The following TTC19 variants were observed in gnomAD, a reference collection of about 807,000 sequenced individuals.
TTC19 encodes tetratricopeptide repeat domain 19.
Under a neutral mutation model 49.5 loss-of-function variants are expected in TTC19, and 38 were observed. That is an observed-to-expected ratio of 0.77 (90% CI 0.59 to 1.01). TTC19 has a LOEUF of 1.01. Ranked by LOEUF, TTC19 falls within the 50% of genes least tolerant of loss-of-function variation. The probability of loss-of-function intolerance (pLI) is 0.00; values close to 1 mark genes in which losing one functional copy is unlikely to be tolerated. For missense variants in TTC19, 475 were observed against 477.7 expected, an observed-to-expected ratio of 0.99 and a Z score of 0.05; for synonymous variants, 204 against 185.2, an observed-to-expected ratio of 1.10 and a Z score of -0.83.
chr17:16,009,067 A>T (rs981696116), intron 7 of TTC19, among the ~76,000 whole-genome samples: 1 of 152,140 alleles, frequency 6.6e-6, no homozygotes. Flanking sequence ...CCTGGCACAT[A>T]ATAGAGGCTC....
intron 7 of TTC19, among the ~76,000 whole-genome samples, chr17:16,021,543 C>G (rs1971385252): frequency 6.6e-6 from 1 of 152,040 alleles, no homozygotes; most frequent in Admixed American, 6.5e-5. Flanking sequence ...TATGTTGGGG[C>G]AGTATGGTGT....
chr17:16,002,271 T>A (rs943800400), intron 3 of TTC19, among the ~76,000 whole-genome samples: 1 of 152,158 alleles, frequency 6.6e-6, no homozygotes, highest in Non-Finnish European at 1.5e-5. Context: ...CTCCGCCTCA[T>A]GAGTTCAGAC....
chr17:16,038,250 A>G (rs542138043), intron 2 of TTC19, among the ~76,000 whole-genome samples: 1 of 152,342 alleles, frequency 6.6e-6, no homozygotes, highest in Admixed American at 6.5e-5. Flanking sequence ...TTGTAAGATT[A>G]AAGCTTAGGA....
At chr17:16,027,310 C>G in intron 9 of TTC19, 64 bp from the exon 10 acceptor site, 1 of 1,593,138 alleles carries the variant, frequency 6.3e-7, no homozygotes, top group Non-Finnish European at 8.6e-7. Context: ...CATGCTCTCT[C>G]TTCAGAATCA....
intron 7 of TTC19, among the ~76,000 whole-genome samples, chr17:16,012,394 CTT>C (rs1200427751): frequency 2.0e-5 from 3 of 151,972 alleles, no homozygotes; most frequent in African/African-American, 7.2e-5. Flanking sequence ...GTGAGAATCT[CTT>C]GAGCCTGGGA....
At chr17:16,020,690 A>AC (rs1336931314) in intron 7 of TTC19, among the ~76,000 whole-genome samples, 1 of 151,730 alleles carries the variant, frequency 6.6e-6, no homozygotes, top group Non-Finnish European at 1.5e-5. Context: ...CCCCCAAGAG[A>AC]CAAGGTCTTC....
At chr17:16,037,561 T>C (rs1000517869) in intron 2 of TTC19, among the ~76,000 whole-genome samples, 2 of 152,214 alleles carry the variant, frequency 1.3e-5, no homozygotes, top group South Asian at 2.1e-4. Flanking sequence ...CATCAAGCCT[T>C]CTTTACTGGC....
downstream of TTC19, among the ~76,000 whole-genome samples, chr17:16,032,642 A>G (rs1200633164): frequency 6.6e-6 from 1 of 152,234 alleles, no homozygotes; most frequent in Non-Finnish European, 1.5e-5. Flanking sequence ...AAGTCTCACC[A>G]CTTAAATCCT....
intron 2 of TTC19, 27 bp downstream of exon 2, chr17:16,000,272 G>A: frequency 1.3e-6 from 2 of 1,592,320 alleles, no homozygotes; most frequent in East Asian, 4.5e-5. Flanking sequence ...CCCTGCGCCC[G>A]GCCGAGCGCG....
chr17:16,026,858 G>C (rs1235659953), intron 9 of TTC19, 156 bp downstream of exon 9: 1 of 802,064 alleles, frequency 1.2e-6, no homozygotes, highest in Non-Finnish European at 2.1e-6. Flanking sequence ...GTATTGATTA[G>C]GTTGAAGTAC....
intron 2 of TTC19, chr17:16,039,265 T>C (rs2057093265): frequency 1.6e-6 from 1 of 635,538 alleles, no homozygotes; most frequent in Non-Finnish European, 2.7e-6. Context: ...CATATTATAA[T>C]GTCTGGGTAG....
At chr17:16,008,830 C>T (rs1387984062) in intron 7 of TTC19, among the ~76,000 whole-genome samples, 1 of 152,178 alleles carries the variant, frequency 6.6e-6, no homozygotes, top group Non-Finnish European at 1.5e-5. Flanking sequence ...AGAGTGCTCC[C>T]TTCACTAAAA....
chr17:16,024,061 A>G (rs1232864397), intron 7 of TTC19: 1 of 152,112 alleles, frequency 6.6e-6, no homozygotes, highest in Non-Finnish European at 1.5e-5. Context: ...GCTTATGACC[A>G]TTTCTACATT....
intron 2 of TTC19, chr17:16,040,803 T>C (rs2057418137): frequency 2.8e-6 from 1 of 353,180 alleles, no homozygotes; most frequent in Non-Finnish European, 5.3e-6. Flanking sequence ...GCTGAGGCGG[T>C]AGGACTGCTT....
chr17:16,032,483 C>A (rs1972225341), downstream of TTC19: 4 of 1,560,126 alleles, frequency 2.6e-6, no homozygotes, highest in Admixed American at 2.1e-5. Context: ...CTGAGTTGAG[C>A]CTGACAAAAG....
At chr17:16,024,102 G>A (rs1180007723) in intron 7 of TTC19, 2 of 152,066 alleles carry the variant, frequency 1.3e-5, no homozygotes, top group African/African-American at 4.8e-5. Flanking sequence ...GTCTTACCCA[G>A]GTTGATATAG....
At chr17:16,023,371 A>G (rs1971442684) in intron 7 of TTC19, 1 of 152,238 alleles carries the variant, frequency 6.6e-6, no homozygotes, top group African/African-American at 2.4e-5. Flanking sequence ...ACTACTGAAC[A>G]TCTTTTTAAA....
At chr17:16,029,650 C>A, downstream of TTC19, 1 of 169,134 alleles carries the variant, frequency 5.9e-6, no homozygotes. Flanking sequence ...TTTTGGTTTG[C>A]AGTGAACCAC....
intron 2 of TTC19, chr17:16,039,330 A>G (rs748379342): frequency 4.4e-6 from 5 of 1,143,640 alleles, no homozygotes; most frequent in African/African-American, 3.1e-5. Context: ...CTCTGAGCAC[A>G]TAAAGACATA....
Sources: allele counts gnomAD v4.1 joint callset (sites outside exome capture counted in the v4.1 genomes callset), GRCh38; gene constraint gnomAD v4.1.1; transcripts MANE v1.5; gene names NCBI Gene and HGNC (gene_info 2026-07-23, HGNC 2026-07-21).